RALGPS2: variants seen among roughly 807,000 people sequenced by gnomAD.
RALGPS2 encodes ras-specific guanine nucleotide-releasing factor RalGPS2.
A neutral mutation model predicts 86.8 loss-of-function variants in RALGPS2; 43 were observed. That is an observed-to-expected ratio of 0.50 (90% confidence interval 0.39 to 0.64). The LOEUF (loss-of-function observed/expected upper bound fraction) is 0.64. Among genes scored for constraint, RALGPS2 ranks in the 30% least tolerant of loss-of-function variants. The pLI is 0.00. For synonymous variants in RALGPS2, 243 were observed against 231.3 expected (o/e 1.05, Z -0.46); for missense variants, 536 against 694.6 (o/e 0.77, Z 2.57).
At chr1:178,738,868 T>C (rs1159222624) in intron 1 of RALGPS2, among the ~76,000 whole-genome samples, 1 of 152,260 alleles carries the variant, frequency 6.6e-6, no homozygotes, top group Non-Finnish European at 1.5e-5. Context: ...CTGTGGTTAT[T>C]CTAGATCTCT....
intron 8 of RALGPS2, among the ~76,000 whole-genome samples, chr1:178,874,070 T>C (rs1658889507): frequency 2.0e-5 from 3 of 152,126 alleles, no homozygotes; most frequent in Admixed American, 2.0e-4. Context: ...TAAAATATGA[T>C]TTTTAAAGCT....
intron 19 of RALGPS2, among the ~76,000 whole-genome samples, chr1:178,913,245 G>T (rs186667867): frequency 7.0e-4 from 105 of 150,638 alleles, no homozygotes; most frequent in African/African-American, 2.4e-3. Context: ...TCATGCCACC[G>T]CACTCCAGCC....
chr1:178,795,397 A>T (rs1185066211), intron 4 of RALGPS2, among the ~76,000 whole-genome samples: 1 of 152,074 alleles, frequency 6.6e-6, no homozygotes, highest in Non-Finnish European at 1.5e-5. Flanking sequence ...AATCTTATTA[A>T]TTAAAATATT....
intron 1 of RALGPS2, among the ~76,000 whole-genome samples, chr1:178,748,470 A>ATACTATT (rs1410725201): frequency 2.6e-5 from 4 of 152,268 alleles, no homozygotes; most frequent in Non-Finnish European, 5.9e-5. Context: ...TGATGTGACT[A>ATACTATT]TACTATTTAG....
At position 178,895,519 on chromosome 1, in the gene RALGPS2, A is replaced by G. The variant is rs528698726; in HGVS notation, c.1431+1495A>G. Reference sequence around the variant, plus strand: ...GAATGATGGGGCAAGGAGGGATGCCACCATGGCAAAACATTTGAGCTGAGA... The same window carrying G: ...GAATGATGGGGCAAGGAGGGATGCCGCCATGGCAAAACATTTGAGCTGAGA... On this transcript the variant is annotated intron_variant, in intron 16 of 19. Transcript: ENST00000367635. Among the ~76,000 whole-genome samples, 5 of 152,244 alleles carry G rather than the reference A, an allele frequency of 3.3e-5. No individual in the cohort carries two copies. In the East Asian group the frequency reaches 9.7e-4, roughly 29 times the overall value.
intron 7 of RALGPS2, among the ~76,000 whole-genome samples, chr1:178,822,103 T>G (rs2102226362): frequency 6.6e-6 from 1 of 152,306 alleles, no homozygotes; most frequent in Middle Eastern, 3.4e-3. Flanking sequence ...TGATTTCAAT[T>G]TCCATTATTT....
intron 1 of RALGPS2, among the ~76,000 whole-genome samples, chr1:178,759,203 G>C (rs974376179): frequency 5.3e-5 from 8 of 152,070 alleles, no homozygotes; most frequent in African/African-American, 1.4e-4. Context: ...CATTGTTTCA[G>C]GTCTTCGATT....
intron 7 of RALGPS2, among the ~76,000 whole-genome samples, chr1:178,823,113 C>T (rs1034100180): frequency 1.3e-5 from 2 of 152,178 alleles, no homozygotes; most frequent in African/African-American, 2.4e-5. Flanking sequence ...TGAGCCATTA[C>T]GCCCAGTCCT....
intron 19 of RALGPS2, 149 bp from the exon 20 acceptor site, chr1:178,916,181 T>TC (rs1660806702): frequency 4.9e-6 from 3 of 617,926 alleles, no homozygotes; most frequent in Non-Finnish European, 8.4e-6. Context: ...TGTTAATTAT[T>TC]CATAAACTAT....
chr1:178,814,576 C>CA (rs1285299264), intron 6 of RALGPS2, among the ~76,000 whole-genome samples: 1 of 152,168 alleles, frequency 6.6e-6, no homozygotes, highest in Non-Finnish European at 1.5e-5. Flanking sequence ...GTTAGGATTA[C>CA]AGGCATATGC....
chr1:178,747,801 C>T (rs950215386), intron 1 of RALGPS2: 13 of 698,210 alleles, frequency 1.9e-5, no homozygotes, highest in African/African-American at 3.5e-5. Context: ...CCAGCGGAGA[C>T]GCTCAGGCCC....
intron 8 of RALGPS2, chr1:178,852,549 G>A: frequency 1.3e-6 from 1 of 799,928 alleles, no homozygotes; most frequent in Non-Finnish European, 1.9e-6. Flanking sequence ...CTTTCAGTAG[G>A]TTGGTTGTAT....
chr1:178,790,818 G>GTTTAACCTATGATGGCAGCCAGT (rs1653915274), intron 4 of RALGPS2, among the ~76,000 whole-genome samples: 1 of 152,122 alleles, frequency 6.6e-6, no homozygotes, highest in Non-Finnish European at 1.5e-5. Flanking sequence ...AAAATAGATT[G>GTTTAACCTATGATGGCAGCCAGT]TTTAACCTAT....
chr1:178,821,282 G>A (rs1481994986), intron 6 of RALGPS2, among the ~76,000 whole-genome samples: 1 of 152,154 alleles, frequency 6.6e-6, no homozygotes, highest in Non-Finnish European at 1.5e-5. Flanking sequence ...TTCAGTATAA[G>A]GGAGACTGTT....
At chr1:178,865,901 G>T in intron 8 of RALGPS2, 1 of 684,630 alleles carries the variant, frequency 1.5e-6, no homozygotes, top group Non-Finnish European at 2.4e-6. Context: ...GGGAAAAACT[G>T]AATATTTATT....
At chr1:178,865,198 G>A (rs770127122) in intron 8 of RALGPS2, 1 of 1,613,776 alleles carries the variant, frequency 6.2e-7, no homozygotes, top group South Asian at 1.1e-5. Flanking sequence ...CCAACAAAGT[G>A]ATCATCACAG....
At position 178,911,558 on chromosome 1, in the gene RALGPS2, G is replaced by A. The variant is rs182021762; in HGVS notation, c.1722+4691G>A. Reference sequence around the variant, plus strand: ...CTTGGTATTGATTTCTAGTTTTATTGTACTGTAGTCTGAGGCTATGGTTGG... The same window carrying A: ...CTTGGTATTGATTTCTAGTTTTATTATACTGTAGTCTGAGGCTATGGTTGG... On this transcript the variant is annotated intron_variant, in intron 19 of 19. Coordinates refer to ENST00000367635, the MANE Select transcript of RALGPS2 (RefSeq NM_152663.5). 2.4e-4 allele frequency among the ~76,000 whole-genome samples: 37 copies of A among 152,210 alleles called. No individual in the cohort carries two copies. In the East Asian group the frequency reaches 6.4e-3, roughly 26 times the overall value.
chr1:178,783,676 C>T (rs1653504837), intron 2 of RALGPS2, among the ~76,000 whole-genome samples: 1 of 152,100 alleles, frequency 6.6e-6, no homozygotes, highest in South Asian at 2.1e-4. Flanking sequence ...AGCCTCATAT[C>T]CTACCACCAT....
chr1:178,789,530 G>T (rs993179732), intron 4 of RALGPS2, among the ~76,000 whole-genome samples: 1 of 152,210 alleles, frequency 6.6e-6, no homozygotes, highest in African/African-American at 2.4e-5. Context: ...GTGGAGAAAG[G>T]CTAGAGGAAC....
Sources: allele counts gnomAD v4.1 joint callset (sites outside exome capture counted in the v4.1 genomes callset), GRCh38; gene constraint gnomAD v4.1.1; transcripts MANE v1.5; gene names NCBI Gene and HGNC (gene_info 2026-07-23, HGNC 2026-07-21).